MLLT10: variants seen among roughly 807,000 people sequenced by gnomAD.
The protein encoded by MLLT10 is protein AF-10.
A neutral mutation model predicts 129.1 loss-of-function variants in MLLT10; 30 were observed. The observed-to-expected ratio is 0.23, with a 90% confidence interval of 0.17 to 0.32. The LOEUF is 0.32. Among genes scored for constraint, MLLT10 ranks in the 10% least tolerant of loss-of-function variants. The pLI, the probability that MLLT10 is intolerant of heterozygous loss-of-function variation, is 1.00. For synonymous variants in MLLT10, 490 were observed against 446.4 expected (o/e 1.10, Z -1.23); for missense variants, 1,119 against 1,268.3 (o/e 0.88, Z 1.79).
At chr10:21,635,925 C>CT (rs530505484) in intron 8 of MLLT10, among the ~76,000 whole-genome samples, 11,598 of 111,436 alleles carry the variant, frequency 0.1, 881 homozygotes, top group African/African-American at 0.12. Context: ...TGCACCTGGC[C>CT]TTTTTTTTTT....
chr10:21,720,010 C>A (rs991216625), intron 14 of MLLT10, among the ~76,000 whole-genome samples: 1 of 152,100 alleles, frequency 6.6e-6, no homozygotes, highest in Admixed American at 6.6e-5. Context: ...CTGCCTTTGT[C>A]CTACAGTAAT....
chr10:21,718,745 G>A (rs2056925622), intron 14 of MLLT10, among the ~76,000 whole-genome samples: 2 of 152,004 alleles, frequency 1.3e-5, no homozygotes, highest in East Asian at 1.9e-4. Context: ...TTTTTGAGAC[G>A]GAGTCTCACT....
chr10:21,573,818 G>T (rs1353581498), intron 3 of MLLT10, among the ~76,000 whole-genome samples: 1 of 152,072 alleles, frequency 6.6e-6, no homozygotes, highest in Admixed American at 6.6e-5. Context: ...GCCTCCGAAA[G>T]TGCTGGGATT....
At chr10:21,669,019 C>A (rs754252479) in intron 9 of MLLT10, 5 of 1,382,606 alleles carry the variant, frequency 3.6e-6, no homozygotes, top group Admixed American at 2.0e-5. Flanking sequence ...TCCAAATTGA[C>A]CTGCCCAGCA....
At chr10:21,628,459 G>C (rs952502383) in intron 8 of MLLT10, among the ~76,000 whole-genome samples, 1 of 133,206 alleles carries the variant, frequency 7.5e-6, no homozygotes, top group Non-Finnish European at 1.6e-5. Context: ...TTTTTGAGAC[G>C]GAGTCTAGCT....
chr10:21,715,374 G>T (rs1487249125), intron 14 of MLLT10, among the ~76,000 whole-genome samples: 1 of 152,232 alleles, frequency 6.6e-6, no homozygotes, highest in Non-Finnish European at 1.5e-5. Flanking sequence ...ATATAGAGGA[G>T]TTTGACTACT....
chr10:21,542,345 G>A (rs758553915), intron 3 of MLLT10, among the ~76,000 whole-genome samples: 5 of 152,154 alleles, frequency 3.3e-5, no homozygotes, highest in Non-Finnish European at 5.9e-5. Context: ...CAGGTAGGCA[G>A]ATCACATGAG....
intron 7 of MLLT10, among the ~76,000 whole-genome samples, chr10:21,616,458 A>G (rs1419065682): frequency 6.6e-6 from 1 of 152,090 alleles, no homozygotes; most frequent in Non-Finnish European, 1.5e-5. Context: ...ACTTTTAAAC[A>G]CCTCAAATAA....
At chr10:21,557,116 GC>G in intron 3 of MLLT10, 1 of 1,390,138 alleles carries the variant, frequency 7.2e-7, no homozygotes, top group South Asian at 1.8e-5. Flanking sequence ...TTACATTTTT[GC>G]CCTTTTGTCT....
intron 5 of MLLT10, among the ~76,000 whole-genome samples, chr10:21,598,355 A>T (rs573983762): frequency 1.3e-5 from 2 of 152,302 alleles, no homozygotes; most frequent in African/African-American, 4.8e-5. Flanking sequence ...CTGACACAAC[A>T]GTATAATCTA....
At chr10:21,728,415 A>G (rs1211605981) in intron 16 of MLLT10, among the ~76,000 whole-genome samples, 1 of 152,192 alleles carries the variant, frequency 6.6e-6, no homozygotes, top group Non-Finnish European at 1.5e-5. Flanking sequence ...TTTTGAAATC[A>G]TTTTATGACA....
rs2045077030 is a variant in MLLT10 at position 21,614,943 on chromosome 10, TTTAATGAAATGATTATGA to T, written c.603+23_603+40del. The stretch of plus-strand genomic sequence containing the variant: ...TAAGCTGGTAAGAATTTCTCTTGGA[TTTAATGAAATGATTATGA>T]TTAGTTTTGACAATAGAATGACACT... On this transcript the variant is annotated intron_variant, in intron 7 of 22. Coordinates refer to ENST00000307729, the MANE Select transcript of MLLT10 (RefSeq NM_001195626.3). The T allele has an allele frequency of 6.4e-7, 1 of 1,554,662 alleles. No homozygotes were observed. Among genetic ancestry groups the T allele is most frequent in the Admixed American group, 1.8e-5 (1 of 55,346 alleles).
chr10:21,692,449 C>T (rs2053959789), intron 13 of MLLT10, among the ~76,000 whole-genome samples: 2 of 152,142 alleles, frequency 1.3e-5, no homozygotes, highest in Admixed American at 6.5e-5. Flanking sequence ...GGATTACAGG[C>T]ATGAACCACC....
intron 13 of MLLT10, among the ~76,000 whole-genome samples, chr10:21,709,218 G>A (rs1589754199): frequency 6.9e-6 from 1 of 144,118 alleles, no homozygotes; most frequent in East Asian, 2.1e-4. Flanking sequence ...TAACTAATCA[G>A]CATTTTATCT....
intron 13 of MLLT10, among the ~76,000 whole-genome samples, chr10:21,693,871 T>C (rs1225765349): frequency 6.6e-6 from 1 of 152,234 alleles, no homozygotes; most frequent in Non-Finnish European, 1.5e-5. Flanking sequence ...ATCATCTCTT[T>C]AGCTGTGTTT....
chr10:21,734,851 G>A (rs571851880), intron 20 of MLLT10, among the ~76,000 whole-genome samples: 46 of 152,222 alleles, frequency 3.0e-4, no homozygotes, highest in African/African-American at 1.1e-3. Flanking sequence ...TATTACATAC[G>A]CTTGTTAGAA....
At chr10:21,724,031 G>A (rs145081190) in intron 14 of MLLT10, among the ~76,000 whole-genome samples, 9 of 152,270 alleles carry the variant, frequency 5.9e-5, no homozygotes, top group Admixed American at 6.5e-5. Context: ...TGTTTTATGT[G>A]CCCTCTACTA....
rs371100037 is a variant in MLLT10 at position 21,738,379 on chromosome 10, T to TAATC, written c.2956-1648_2956-1645dup. The TAATC allele has an allele frequency of 3.8e-4, 492 of 1,283,602 alleles. No individual in the cohort carries two copies. In the African/African-American group the frequency reaches 6.8e-3, roughly 18 times the overall value. The allele number at this position is 1,283,602 out of a possible 1,614,324, so 79.5% of individuals were successfully genotyped here. ...TCCATTTATTTGGGTGTCTTCCTAT[T>TAATC]AATCAAGATTTTACTCTAATAATAG... On this transcript the variant is annotated intron_variant, in intron 21 of 22. Transcript: ENST00000307729.
intron 8 of MLLT10, among the ~76,000 whole-genome samples, chr10:21,642,544 G>A (rs1364693733): frequency 6.6e-6 from 1 of 151,172 alleles, no homozygotes; most frequent in Non-Finnish European, 1.5e-5. Context: ...GTAATCCCAG[G>A]TACTCGGGAG....
Sources: gnomAD v4.1 joint callset for allele counts (sites outside exome capture counted in the v4.1 genomes callset) on GRCh38, gnomAD v4.1.1 for gene constraint, MANE v1.5 for transcripts, NCBI Gene and HGNC (gene_info 2026-07-23, HGNC 2026-07-21) for gene names.